The following LIN9 variants were observed in gnomAD, a reference collection of about 807,000 sequenced individuals.
LIN9 encodes the protein lin-9 DREAM MuvB core complex component, also known as protein lin-9 homolog.
LIN9 carries 18 observed loss-of-function variants against 78.0 expected under a neutral mutation model. The ratio of observed to expected loss-of-function variants is 0.23; its 90% CI spans 0.16 to 0.34. LIN9 has a LOEUF of 0.34. LIN9 is among the 10% of genes least tolerant of loss of function. The probability of loss-of-function intolerance (pLI) is 1.00; values close to 1 mark genes in which losing one functional copy is unlikely to be tolerated. For missense variants in LIN9, 451 were observed against 644.1 expected (o/e 0.70, Z 3.25); for synonymous variants, 192 against 215.2 (o/e 0.89, Z 0.94).
rs377430075 is a variant in LIN9 at position 226,252,318 on chromosome 1, A to AAATAAATGAATG, written c.1039-1400_1039-1399insCATTCATTTATT. Among the ~76,000 whole-genome samples the AAATAAATGAATG allele has an allele frequency of 2.4e-4, 32 of 135,998 alleles. 1 individual carries two copies. Among genetic ancestry groups the AAATAAATGAATG allele is most frequent in the Non-Finnish European group, 4.1e-4 (26 of 63,528 alleles). The allele number at this position is 135,998 out of a possible 152,430, so 89.2% of individuals were successfully genotyped here. On this transcript the variant is annotated intron_variant, in intron 10 of 14. Transcript: ENST00000681046. ...TAAATAAATAAATAAATAAATAAAT[A>AAATAAATGAATG]AATGAATGAATGAATGAATGTCTCC... is the stretch of plus-strand genomic sequence containing the variant.
chr1:226,261,457 T>G (rs1455611776), intron 10 of LIN9, among the ~76,000 whole-genome samples: 1 of 151,870 alleles, frequency 6.6e-6, no homozygotes, highest in Non-Finnish European at 1.5e-5. Context: ...GATACAAAGT[T>G]AACATACAAA....
intron 6 of LIN9, among the ~76,000 whole-genome samples, chr1:226,281,724 C>T (rs183323185): frequency 6.8e-6 from 1 of 147,774 alleles, no homozygotes; most frequent in Non-Finnish European, 1.5e-5. Context: ...TTTGGAGTCT[C>T]GCTCTGTTGC....
At chr1:226,276,489 G>T (rs2102941076) in intron 7 of LIN9, among the ~76,000 whole-genome samples, 1 of 152,034 alleles carries the variant, frequency 6.6e-6, no homozygotes, top group South Asian at 2.1e-4. Context: ...ACCAAATCTA[G>T]TCTCTCCTAG....
chr1:226,291,795 AT>A (rs1661811086), intron 4 of LIN9, among the ~76,000 whole-genome samples: 1 of 152,014 alleles, frequency 6.6e-6, no homozygotes, highest in Non-Finnish European at 1.5e-5. Flanking sequence ...CTTTATTTGG[AT>A]TTTACCAGTT....
rs116126092 is a variant in LIN9, at chr1:226,272,584, C to T, written c.683-4494G>A. 9.0e-3 allele frequency among the ~76,000 whole-genome samples: 1,298 copies of T among 144,448 alleles called. 9 individuals carry two copies. Among genetic ancestry groups the T allele is most frequent in the Non-Finnish European group, 0.014 (941 of 66,786 alleles). 94.8% of individuals were successfully genotyped at this position (144,448 alleles called of 152,430 possible). Reference sequence around the variant, plus strand: ...TAATGTTTGTAGAGACAGGGTCTCACTATGGTGGGAAAAAGCTGAGTGTTA... The same window carrying T: ...TAATGTTTGTAGAGACAGGGTCTCATTATGGTGGGAAAAAGCTGAGTGTTA... On this transcript the variant is annotated intron_variant, in intron 7 of 14. Transcript: ENST00000681046.
intron 13 of LIN9, 70 bp from the exon 14 acceptor site, chr1:226,233,263 A>G: frequency 6.6e-7 from 1 of 1,520,320 alleles, no homozygotes; most frequent in Non-Finnish European, 9.0e-7. Context: ...ACCTGATATA[A>G]TCAATGAATT....
chr1:226,288,922 A>G (rs896932020), intron 4 of LIN9, among the ~76,000 whole-genome samples: 6 of 152,178 alleles, frequency 3.9e-5, no homozygotes, highest in Non-Finnish European at 8.8e-5. Flanking sequence ...TACATGGAAA[A>G]ATAAATGCAC....
intron 11 of LIN9, among the ~76,000 whole-genome samples, chr1:226,250,549 A>G (rs1658768883): frequency 6.6e-6 from 1 of 152,204 alleles, no homozygotes; most frequent in African/African-American, 2.4e-5. Flanking sequence ...GTATGTATGT[A>G]TTCCTGTATT....
chr1:226,251,178 C>T (rs967177632), intron 10 of LIN9, among the ~76,000 whole-genome samples: 2 of 151,706 alleles, frequency 1.3e-5, no homozygotes, highest in African/African-American at 4.8e-5. Context: ...CTCAGCCTCC[C>T]GAGTAGCAGG....
intron 10 of LIN9, among the ~76,000 whole-genome samples, chr1:226,252,736 G>A (rs1658917628): frequency 6.6e-6 from 1 of 152,150 alleles, no homozygotes; most frequent in Non-Finnish European, 1.5e-5. Context: ...ACTTTGGGAG[G>A]CGGGTGGATC....
intron 4 of LIN9, among the ~76,000 whole-genome samples, chr1:226,288,899 T>G (rs913086144): frequency 2.6e-5 from 4 of 152,180 alleles, no homozygotes; most frequent in African/African-American, 7.2e-5. Flanking sequence ...CTAGTCAAGT[T>G]GATTCTAAAG....
intron 11 of LIN9, among the ~76,000 whole-genome samples, chr1:226,248,887 A>G (rs920686151): frequency 2.8e-4 from 42 of 152,354 alleles, no homozygotes; most frequent in African/African-American, 9.4e-4. Flanking sequence ...ATAATAAAAC[A>G]TATCAAGCCA....
chr1:226,289,851 G>GC (rs1661634640), intron 4 of LIN9, among the ~76,000 whole-genome samples: 1 of 76,436 alleles, frequency 1.3e-5, no homozygotes, highest in Non-Finnish European at 2.8e-5. Flanking sequence ...GGGGGTGGGG[G>GC]GGGGTGGGAA....
At chr1:226,299,405 G>A (rs987357071) in intron 2 of LIN9, among the ~76,000 whole-genome samples, 4 of 150,902 alleles carry the variant, frequency 2.7e-5, no homozygotes, top group Non-Finnish European at 4.4e-5. Flanking sequence ...TCAGGAGGCT[G>A]AGGCACAAGA....
At chr1:226,273,777 T>C (rs1450585505) in intron 7 of LIN9, among the ~76,000 whole-genome samples, 1 of 151,828 alleles carries the variant, frequency 6.6e-6, no homozygotes, top group Non-Finnish European at 1.5e-5. Flanking sequence ...TTCTGATGCA[T>C]ACTAAAGTTT....
chr1:226,240,390 T>G (rs1192381939), intron 11 of LIN9, among the ~76,000 whole-genome samples: 2 of 150,382 alleles, frequency 1.3e-5, no homozygotes, highest in Non-Finnish European at 3.0e-5. Flanking sequence ...TTCTAAGTTT[T>G]TTTTTTTTTT....
chr1:226,277,688 GAAATA>G (rs770617584), intron 7 of LIN9, 82 bp downstream of exon 7: 5 of 1,184,364 alleles, frequency 4.2e-6, no homozygotes, highest in Middle Eastern at 2.8e-4. Flanking sequence ...AATTAAAAAT[GAAATA>G]AAATAAGAAC....
chr1:226,294,591 A>C (rs922680886), intron 4 of LIN9, among the ~76,000 whole-genome samples: 4 of 152,036 alleles, frequency 2.6e-5, no homozygotes, highest in African/African-American at 9.7e-5. Context: ...AAACAAAAAA[A>C]AAAAAACCTA....
chr1:226,290,458 A>G (rs1661692718), intron 4 of LIN9, among the ~76,000 whole-genome samples: 1 of 150,606 alleles, frequency 6.6e-6, no homozygotes, highest in Non-Finnish European at 1.5e-5. Flanking sequence ...CTCCTGTCTC[A>G]GCCTCCCGAG....
Sources: allele counts gnomAD v4.1 joint callset (sites outside exome capture counted in the v4.1 genomes callset), GRCh38; gene constraint gnomAD v4.1.1; transcripts MANE v1.5; gene names NCBI Gene and HGNC (gene_info 2026-07-23, HGNC 2026-07-21).